Variants in RALYL observed in about 807,000 individuals in gnomAD.
The protein encoded by RALYL is RNA-binding Raly-like protein.
RALYL carries 29 observed loss-of-function variants against 35.1 expected under a neutral mutation model. That is an observed-to-expected ratio of 0.83 (90% confidence interval 0.61 to 1.13). RALYL has a LOEUF of 1.13. Ranked by LOEUF, RALYL falls within the 50% of genes most tolerant of loss-of-function variation. The pLI is 0.00. For missense variants in RALYL, 359 were observed against 360.4 expected, an observed-to-expected ratio of 1.00 and a Z score of 0.03; for synonymous variants, 120 against 127.6, an observed-to-expected ratio of 0.94 and a Z score of 0.40.
chr8:84,505,941 G>A (rs1483398901), intron 1 of RALYL, among the ~76,000 whole-genome samples: 2 of 152,020 alleles, frequency 1.3e-5, no homozygotes, highest in African/African-American at 4.8e-5. Context: ...TACCATGTGT[G>A]CTAAGTTTTT....
intron 1 of RALYL, among the ~76,000 whole-genome samples, chr8:84,415,924 G>C (rs1485613755): frequency 6.6e-6 from 1 of 152,176 alleles, no homozygotes; most frequent in Admixed American, 6.6e-5. Context: ...TCAGATATGA[G>C]TATCTTTTCA....
intron 2 of RALYL, among the ~76,000 whole-genome samples, chr8:84,614,078 C>T (rs1818907238): frequency 6.6e-6 from 1 of 151,094 alleles, no homozygotes; most frequent in African/African-American, 2.4e-5. Flanking sequence ...AAATGGGATC[C>T]ACTAATAGTA....
At chr8:84,387,214 C>T (rs1014862777) in intron 1 of RALYL, among the ~76,000 whole-genome samples, 1 of 151,674 alleles carries the variant, frequency 6.6e-6, no homozygotes, top group Non-Finnish European at 1.5e-5. Context: ...TTTCTGTGTG[C>T]CAGGTACTAT....
At chr8:84,716,795 A>C (rs1462726757) in intron 2 of RALYL, among the ~76,000 whole-genome samples, 1 of 152,208 alleles carries the variant, frequency 6.6e-6, no homozygotes, top group African/African-American at 2.4e-5. Flanking sequence ...GAATGGACAT[A>C]AAAATTTATT....
At chr8:84,564,224 G>C (rs528616643) in intron 2 of RALYL, among the ~76,000 whole-genome samples, 17 of 151,596 alleles carry the variant, frequency 1.1e-4, no homozygotes, top group Non-Finnish European at 2.2e-4. Flanking sequence ...TCCTCCTGTA[G>C]GTGCTCTTAT....
intron 1 of RALYL, among the ~76,000 whole-genome samples, chr8:84,390,389 A>G (rs993948802): frequency 2.6e-5 from 4 of 151,948 alleles, no homozygotes; most frequent in East Asian, 2.0e-4. Context: ...CTCTTTTTCT[A>G]TTGATTGGAA....
chr8:84,548,279 G>C (rs527683344), intron 2 of RALYL, among the ~76,000 whole-genome samples: 7 of 151,542 alleles, frequency 4.6e-5, no homozygotes, highest in Middle Eastern at 6.8e-3. Context: ...TTCTAGCATA[G>C]GCTTTCTTTA....
Position 84,514,090 on chromosome 8 carries a change from TAAAAAA to T in RALYL, c.-23-15189_-23-15184del, listed in dbSNP as rs57881021. 9.1e-3 allele frequency among the ~76,000 whole-genome samples: 374 copies of T among 41,168 alleles called. 9 individuals are homozygous for T. The Admixed American group carries it at 0.11, about 12-fold the overall frequency. The allele number at this position is 41,168 out of a possible 152,430, so 27.0% of individuals were successfully genotyped here. On this transcript the variant is annotated intron_variant, in intron 1 of 8. Transcript: ENST00000521268. ...GCCTGGGTGACAGTGAGATTTCATC[TAAAAAA>T]AAAAAAAAAAAAAAAAAAAGAAAGA...
chr8:84,444,032 A>T (rs564998566), intron 1 of RALYL, among the ~76,000 whole-genome samples: 63 of 152,112 alleles, frequency 4.1e-4, no homozygotes, highest in Non-Finnish European at 7.8e-4. Flanking sequence ...GTATTCAAAT[A>T]AAAAACACAA....
At chr8:84,751,826 A>T (rs1195133399) in intron 2 of RALYL, among the ~76,000 whole-genome samples, 1 of 152,042 alleles carries the variant, frequency 6.6e-6, no homozygotes, top group Non-Finnish European at 1.5e-5. Context: ...CTTCCTGTAC[A>T]GCCTGTGGAA....
At chr8:84,500,447 G>T (rs1428433814) in intron 1 of RALYL, among the ~76,000 whole-genome samples, 2 of 152,036 alleles carry the variant, frequency 1.3e-5, no homozygotes. Flanking sequence ...CTCTTGAACT[G>T]GAAAATTTAT....
Position 84,504,367 on chromosome 8 carries a change from G to A in RALYL, c.-23-24932G>A, listed in dbSNP as rs183079792. On this transcript the variant is annotated intron_variant, in intron 1 of 8. Transcript: ENST00000521268. ...AAATTGGTACCCTCATGTAATTTTC[G>A]TGGAACTGTGAAATGCTATGAATAA... Among the ~76,000 whole-genome samples the A allele has an allele frequency of 2.6e-3, 395 of 152,108 alleles. 2 individuals are homozygous for A. Among genetic ancestry groups the A allele is most frequent in the Admixed American group, 4.5e-3 (69 of 15,280 alleles).
chr8:84,745,514 C>T (rs1808404962), intron 2 of RALYL, among the ~76,000 whole-genome samples: 1 of 151,942 alleles, frequency 6.6e-6, no homozygotes, highest in Non-Finnish European at 1.5e-5. Flanking sequence ...AAGTTTGTGT[C>T]ACAGCATTAC....
intron 2 of RALYL, among the ~76,000 whole-genome samples, chr8:84,773,142 A>G (rs893884731): frequency 6.6e-6 from 1 of 152,186 alleles, no homozygotes; most frequent in Non-Finnish European, 1.5e-5. Context: ...ACTAAAACTC[A>G]TGTTCTGGCA....
intron 2 of RALYL, among the ~76,000 whole-genome samples, chr8:84,537,047 T>C (rs2059658078): frequency 6.6e-6 from 1 of 151,806 alleles, no homozygotes. Context: ...AGTTCATCAA[T>C]TGCAGAATGC....
intron 2 of RALYL, among the ~76,000 whole-genome samples, chr8:84,722,188 T>C (rs1452876924): frequency 6.6e-6 from 1 of 152,130 alleles, no homozygotes; most frequent in Non-Finnish European, 1.5e-5. Context: ...AAAGGACCTC[T>C]AGATTGCTAC....
intron 1 of RALYL, among the ~76,000 whole-genome samples, chr8:84,276,170 G>A (rs1835330825): frequency 2.0e-5 from 3 of 152,010 alleles, no homozygotes; most frequent in Admixed American, 2.0e-4. Context: ...ATAATCTATG[G>A]TGTTTTGAAA....
chr8:84,527,352 A>G (rs1253424885), intron 1 of RALYL, among the ~76,000 whole-genome samples: 2 of 152,108 alleles, frequency 1.3e-5, no homozygotes, highest in Middle Eastern at 3.2e-3. Flanking sequence ...AAATTTGACC[A>G]AGGGTTATCA....
intron 1 of RALYL, among the ~76,000 whole-genome samples, chr8:84,188,525 C>A (rs1384321478): frequency 3.3e-5 from 5 of 152,064 alleles, no homozygotes; most frequent in Non-Finnish European, 5.9e-5. Context: ...TAATAAATTT[C>A]TCTTCAGTAA....
Sources: gnomAD v4.1 joint callset for allele counts (sites outside exome capture counted in the v4.1 genomes callset) on GRCh38, gnomAD v4.1.1 for gene constraint, MANE v1.5 for transcripts, NCBI Gene and HGNC (gene_info 2026-07-23, HGNC 2026-07-21) for gene names.